The following TRPM2 variants were observed in gnomAD, a reference collection of about 807,000 sequenced individuals.
TRPM2 encodes estrogen-responsive element-associated gene 1 protein.
A neutral mutation model predicts 174.0 loss-of-function variants in TRPM2; 161 were observed. The ratio of observed to expected loss-of-function variants is 0.93; its 90% CI spans 0.81 to 1.05. TRPM2 has a LOEUF of 1.05. Ranked by LOEUF, TRPM2 falls within the 50% of genes least tolerant of loss-of-function variation. The pLI is 0.00. For missense variants in TRPM2, 2,057 were observed against 2,038.0 expected, an observed-to-expected ratio of 1.01 and a Z score of -0.18; for synonymous variants, 954 against 861.3, an observed-to-expected ratio of 1.11 and a Z score of -1.88.
intron 5 of TRPM2, among the ~76,000 whole-genome samples, chr21:44,375,606 A>G (rs752325322): frequency 4.6e-5 from 7 of 151,428 alleles, no homozygotes; most frequent in Non-Finnish European, 1.0e-4. Context: ...GTCCCCCACC[A>G]CCTCTCTCCT....
At position 44,441,838 on chromosome 21, in the gene TRPM2, G is replaced by C; in HGVS notation, c.*21G>C. ...ACTGACTGTGCCCTCAGGCTGGGCG[G>C]CTCCAGTCCATAGACGTTCCCCCCA... On this transcript the variant is annotated 3_prime_UTR_variant, in exon 32 of 32. Transcript: ENST00000397928. 3.2e-6 allele frequency: 5 copies of C among 1,586,822 alleles called. No homozygotes were observed. Among genetic ancestry groups the C allele is most frequent in the Non-Finnish European group, 4.3e-6 (5 of 1,166,238 alleles).
intron 19 of TRPM2, among the ~76,000 whole-genome samples, chr21:44,407,450 GT>G (rs71197896): frequency 0.064 from 5,476 of 85,742 alleles, 184 homozygotes; most frequent in Admixed American, 0.088. Context: ...CATATAGAAG[GT>G]TTTTTTTTTT....
At chr21:44,413,687 G>A (rs570896038) in intron 19 of TRPM2, among the ~76,000 whole-genome samples, 5 of 152,276 alleles carry the variant, frequency 3.3e-5, no homozygotes, top group African/African-American at 1.2e-4. Flanking sequence ...CTGCCCCCGG[G>A]GCCTCCTACC....
chr21:44,406,104 C>T (rs1601172303), intron 18 of TRPM2, 67 bp downstream of exon 18: 2 of 1,577,896 alleles, frequency 1.3e-6, no homozygotes, highest in East Asian at 4.5e-5. Context: ...GGAGGGCAGG[C>T]CCCTTGCCAG....
At chr21:44,430,029 A>G (rs914188175) in intron 27 of TRPM2, among the ~76,000 whole-genome samples, 1 of 152,196 alleles carries the variant, frequency 6.6e-6, no homozygotes, top group African/African-American at 2.4e-5. Flanking sequence ...AGATAGTTAT[A>G]AGATGTTTCC....
At chr21:44,425,130 C>T (rs569970426) in intron 24 of TRPM2, 191 bp downstream of exon 24, 14 of 590,714 alleles carry the variant, frequency 2.4e-5, no homozygotes, top group East Asian at 2.9e-5. Flanking sequence ...GCCGAGGCCC[C>T]GCCCAATCCC....
At chr21:44,393,959 G>A (rs1004942350) in intron 11 of TRPM2, among the ~76,000 whole-genome samples, 4 of 151,716 alleles carry the variant, frequency 2.6e-5, no homozygotes, top group African/African-American at 9.7e-5. Flanking sequence ...TGCAACCTCT[G>A]CCTCCTGGGT....
intron 2 of TRPM2, among the ~76,000 whole-genome samples, chr21:44,361,784 T>G (rs1335444370): frequency 6.6e-6 from 1 of 152,174 alleles, no homozygotes; most frequent in Non-Finnish European, 1.5e-5. Context: ...CTCGGCTCAT[T>G]ACACCCTCCA....
At chr21:44,394,225 A>T (rs2049268381) in intron 11 of TRPM2, among the ~76,000 whole-genome samples, 1 of 151,178 alleles carries the variant, frequency 6.6e-6, no homozygotes, top group Admixed American at 6.6e-5. Flanking sequence ...CAGTGCGTTT[A>T]TTTAAGACGC....
At chr21:44,363,595 G>C (rs906707177) in intron 2 of TRPM2, among the ~76,000 whole-genome samples, 1 of 152,098 alleles carries the variant, frequency 6.6e-6, no homozygotes, top group Non-Finnish European at 1.5e-5. Flanking sequence ...ATGATTGCTT[G>C]TTGAAGCATT....
chr21:44,355,251 AC>A (rs1007860066), intron 2 of TRPM2, among the ~76,000 whole-genome samples: 37 of 151,274 alleles, frequency 2.4e-4, no homozygotes, highest in Middle Eastern at 3.4e-3. Flanking sequence ...TGTGGCCAAG[AC>A]CCCCGCCCAG....
At position 44,399,412 on chromosome 21, in the gene TRPM2, A is replaced by G. The variant is rs750130698; in HGVS notation, c.2179A>G (p.Met727Val). 1 of 1,612,478 alleles carries G rather than the reference A, an allele frequency of 6.2e-7. No homozygotes were observed. The highest frequency in any genetic ancestry group is 2.2e-5 in the East Asian group (1 of 44,842). Residue 727 changes from methionine to valine, a missense_variant, in exon 14 of 32, where the codon ATG (methionine) becomes GTG (valine). By Grantham distance (21) the Met-to-Val change is conservative. Transcript: ENST00000397928. The surrounding 1 kb of genome is among the most constrained non-coding windows in gnomAD (Gnocchi z 4.6). ...CLQLALEAKD[M>V]KFVSHGGIQA... Reference sequence around the variant, plus strand: ...GCAGCTCGCCCTGGAGGCCAAGGACATGAAGTTTGTGTCTCACGGGGGCAT... The same window carrying G: ...GCAGCTCGCCCTGGAGGCCAAGGACGTGAAGTTTGTGTCTCACGGGGGCAT...
At chr21:44,378,173 C>T (rs1260440522) in intron 7 of TRPM2, among the ~76,000 whole-genome samples, 1 of 152,204 alleles carries the variant, frequency 6.6e-6, no homozygotes, top group African/African-American at 2.4e-5. Flanking sequence ...CATCCCAGAT[C>T]CGTGGTGCCA....
At chr21:44,435,473 T>C (rs369269617) in intron 28 of TRPM2, among the ~76,000 whole-genome samples, 4 of 152,014 alleles carry the variant, frequency 2.6e-5, no homozygotes, top group East Asian at 3.9e-4. Flanking sequence ...GCCTTCACTT[T>C]CCTGCCGGTC....
At chr21:44,390,823 C>T in intron 9 of TRPM2, 81 bp from the exon 10 acceptor site, 2 of 1,590,804 alleles carry the variant, frequency 1.3e-6, no homozygotes, top group Non-Finnish European at 1.7e-6. Flanking sequence ...ATGACACATC[C>T]CTGACTCTGA....
rs1254036520 is a variant in TRPM2 at position 44,439,263 on chromosome 21, G to A, written c.4269+95G>A. 3.5e-6 allele frequency: 4 copies of A among 1,146,092 alleles called. No homozygotes were observed. The highest frequency in any genetic ancestry group is 5.1e-6 in the Non-Finnish European group (4 of 784,446). The allele number at this position is 1,146,092 out of a possible 1,614,324, so 71.0% of individuals were successfully genotyped here. ...CTGGGGACCTGCCCCAGCACCACTG[G>A]GTGGCAGCGGTCCCACCCAGCTTCA... is the stretch of plus-strand genomic sequence containing the variant. On this transcript the variant is annotated intron_variant, in intron 30 of 31. Coordinates refer to ENST00000397928, the MANE Select transcript of TRPM2 (RefSeq NM_003307.4). The surrounding 1 kb of genome is among the most constrained non-coding windows in gnomAD (Gnocchi z 5.1).
chr21:44,366,137 G>T lies in TRPM2; in HGVS notation c.424-617G>T, dbSNP rs891465058. Among the ~76,000 whole-genome samples the T allele has an allele frequency of 3.9e-5, 6 of 152,176 alleles. No homozygotes were observed. The highest frequency in any genetic ancestry group is 9.7e-5 in the African/African-American group (4 of 41,448). Reference sequence around the variant, plus strand: ...TGGGAGGGTCTCCTGGAGGACGGGGGGCCAGAGTGACGACAGAACCTGGGA... The same window carrying T: ...TGGGAGGGTCTCCTGGAGGACGGGGTGCCAGAGTGACGACAGAACCTGGGA... On this transcript the variant is annotated intron_variant, in intron 3 of 31. Transcript: ENST00000397928. The surrounding 1 kb of genome is among the most constrained non-coding windows in gnomAD (Gnocchi z 6.0).
intron 16 of TRPM2, among the ~76,000 whole-genome samples, chr21:44,404,399 A>G (rs1158591879): frequency 6.6e-6 from 1 of 152,014 alleles, no homozygotes; most frequent in East Asian, 1.9e-4. Context: ...ATATGTGCAC[A>G]CATACATATT....
At chr21:44,373,604 C>T in intron 5 of TRPM2, among the ~76,000 whole-genome samples, 1 of 117,796 alleles carries the variant, frequency 8.5e-6, no homozygotes, top group Non-Finnish European at 2.0e-5. Flanking sequence ...TATATGCGAC[C>T]TGCATTATAT....
Sources: gnomAD v4.1 joint callset for allele counts (sites outside exome capture counted in the v4.1 genomes callset) on GRCh38, gnomAD v4.1.1 for gene constraint, Gnocchi (gnomAD v3.1) non-coding constraint, MANE v1.5 for transcripts, NCBI Gene and HGNC (gene_info 2026-07-23, HGNC 2026-07-21) for gene names.